ESR1: variants seen among roughly 807,000 people sequenced by gnomAD.
ESR1 encodes estrogen receptor 1.
A neutral mutation model predicts 52.7 loss-of-function variants in ESR1; 12 were observed. That is an observed-to-expected ratio of 0.23 (90% CI 0.15 to 0.37). The LOEUF is 0.37. ESR1 is among the 10% of genes least tolerant of loss of function. ESR1 has a pLI of 1.00. For missense variants in ESR1, 584 were observed against 779.7 expected (o/e 0.75, Z 2.99); for synonymous variants, 305 against 316.8 (o/e 0.96, Z 0.39).
intron 5 of ESR1, among the ~76,000 whole-genome samples, chr6:152,028,037 G>A (rs1033212397): frequency 5.9e-5 from 9 of 151,988 alleles, no homozygotes; most frequent in East Asian, 3.9e-4. Flanking sequence ...CCAGCTACTC[G>A]GGAGGCTGAG....
intron 2 of ESR1, among the ~76,000 whole-genome samples, chr6:151,721,320 C>T (rs1781445552): frequency 6.6e-6 from 1 of 152,130 alleles, no homozygotes; most frequent in African/African-American, 2.4e-5. Flanking sequence ...ATCCAGGGCT[C>T]TCTGGAGAGA....
chr6:152,106,564 G>A (rs1318425391), downstream of ESR1, among the ~76,000 whole-genome samples: 2 of 152,084 alleles, frequency 1.3e-5, no homozygotes, highest in African/African-American at 2.4e-5. Flanking sequence ...GATCATTGAT[G>A]TTTTTGTTTC....
chr6:151,819,518 A>G (rs1049281260), intron 1 of ESR1, among the ~76,000 whole-genome samples: 5 of 152,122 alleles, frequency 3.3e-5, no homozygotes, highest in South Asian at 2.1e-4. Flanking sequence ...TTTCATAGGA[A>G]TGCAAACCCT....
intron 6 of ESR1, among the ~76,000 whole-genome samples, chr6:152,117,004 A>G (rs1443049516): frequency 6.6e-6 from 1 of 152,166 alleles, no homozygotes; most frequent in Non-Finnish European, 1.5e-5. Flanking sequence ...CCAAAGATGG[A>G]GAAATCCAGT....
chr6:151,894,817 A>G (rs893002095), intron 3 of ESR1, among the ~76,000 whole-genome samples: 1 of 151,992 alleles, frequency 6.6e-6, no homozygotes, highest in Non-Finnish European at 1.5e-5. Context: ...AAATCAGGTA[A>G]TGTGATGCCT....
At chr6:152,036,157 C>G (rs187919742) in intron 5 of ESR1, among the ~76,000 whole-genome samples, 4 of 152,162 alleles carry the variant, frequency 2.6e-5, no homozygotes, top group African/African-American at 9.7e-5. Context: ...GTCAGGAGAT[C>G]GAGACCAGCC....
chr6:151,672,837 T>C (rs895761210), intron 1 of ESR1, among the ~76,000 whole-genome samples: 4 of 150,564 alleles, frequency 2.7e-5, no homozygotes, highest in Admixed American at 2.6e-4. Flanking sequence ...ATTTTTTTTT[T>C]TTTTTTTTTG....
chr6:151,792,898 C>T (rs1440523123), intron 2 of ESR1, among the ~76,000 whole-genome samples: 2 of 152,014 alleles, frequency 1.3e-5, no homozygotes, highest in East Asian at 3.9e-4. Context: ...AGTCTGAGTG[C>T]GGGGGCTCAC....
intron 4 of ESR1, among the ~76,000 whole-genome samples, chr6:151,980,796 C>T (rs1020564843): frequency 1.3e-5 from 2 of 152,104 alleles, no homozygotes; most frequent in Non-Finnish European, 1.5e-5. Context: ...CTCCGCCTCC[C>T]GGGTTCAAGC....
At chr6:151,798,456 T>C (rs2128139412) in intron 2 of ESR1, among the ~76,000 whole-genome samples, 1 of 152,344 alleles carries the variant, frequency 6.6e-6, no homozygotes, top group South Asian at 2.1e-4. Flanking sequence ...TCCTTCTGGA[T>C]TTATGGTACA....
At chr6:152,097,144 T>C (rs2050674608) in intron 7 of ESR1, among the ~76,000 whole-genome samples, 1 of 152,042 alleles carries the variant, frequency 6.6e-6, no homozygotes, top group South Asian at 2.1e-4. Context: ...TCTCTCTCTC[T>C]CTTTCTCTCT....
chr6:151,913,147 A>G (rs1341682587), intron 3 of ESR1, among the ~76,000 whole-genome samples: 1 of 152,200 alleles, frequency 6.6e-6, no homozygotes, highest in African/African-American at 2.4e-5. Flanking sequence ...TAGCCATTTT[A>G]CCAGTTGAGT....
chr6:151,744,702 AG>A (rs1783356429), intron 2 of ESR1, among the ~76,000 whole-genome samples: 1 of 152,174 alleles, frequency 6.6e-6, no homozygotes, highest in South Asian at 2.1e-4. Flanking sequence ...GATGCACAAA[AG>A]TTTTTAGTTG....
intron 5 of ESR1, among the ~76,000 whole-genome samples, chr6:152,031,826 A>G (rs1157078049): frequency 6.6e-6 from 1 of 152,194 alleles, no homozygotes; most frequent in East Asian, 1.9e-4. Context: ...AGCCTGGCAG[A>G]GACACAACAA....
At chr6:152,056,251 G>A (rs921621537) in intron 5 of ESR1, among the ~76,000 whole-genome samples, 1 of 152,120 alleles carries the variant, frequency 6.6e-6, no homozygotes, top group African/African-American at 2.4e-5. Flanking sequence ...AGATTTTGTA[G>A]CATTGAAGAT....
intron 1 of ESR1, among the ~76,000 whole-genome samples, chr6:151,819,314 A>G (rs891963214): frequency 2.6e-5 from 4 of 152,128 alleles, no homozygotes; most frequent in African/African-American, 9.7e-5. Flanking sequence ...AGATTTTATT[A>G]ATGTATAGAG....
intron 3 of ESR1, among the ~76,000 whole-genome samples, chr6:151,928,043 G>T (rs1424555062): frequency 1.3e-5 from 2 of 152,026 alleles, no homozygotes; most frequent in Non-Finnish European, 2.9e-5. Flanking sequence ...TAATTAGCCT[G>T]AATAGAAGTT....
chr6:151,750,077 C>T, intron 2 of ESR1, among the ~76,000 whole-genome samples: 1 of 152,102 alleles, frequency 6.6e-6, no homozygotes, highest in Non-Finnish European at 1.5e-5. Context: ...AGATACATTT[C>T]ATATTGTGTC....
upstream of ESR1, among the ~76,000 whole-genome samples, chr6:151,803,560 A>G (rs1777472700): frequency 6.6e-6 from 1 of 152,156 alleles, no homozygotes; most frequent in South Asian, 2.1e-4. Flanking sequence ...TGGGTTAAAG[A>G]CAGAGCTGGG....
Sources: gnomAD v4.1 joint callset for allele counts (sites outside exome capture counted in the v4.1 genomes callset) on GRCh38, gnomAD v4.1.1 for gene constraint, MANE v1.5 for transcripts, NCBI Gene and HGNC (gene_info 2026-07-23, HGNC 2026-07-21) for gene names.